TNNI3K: variants seen among roughly 807,000 people sequenced by gnomAD.
TNNI3K encodes the protein TNNI3 interacting kinase.
TNNI3K carries 140 observed loss-of-function variants against 114.5 expected under a neutral mutation model. The ratio of observed to expected loss-of-function variants is 1.22; its 90% CI spans 1.07 to 1.41. The LOEUF is 1.41. Among genes scored for constraint, TNNI3K ranks in the 40% most tolerant of loss-of-function variants. The pLI, the probability that TNNI3K is intolerant of heterozygous loss-of-function variation, is 0.00. For missense variants in TNNI3K, 1,125 were observed against 1,007.6 expected (o/e 1.12, Z -1.58); for synonymous variants, 347 against 347.5 (o/e 1.00, Z 0.02).
At chr1:74,501,474 GTGTTTGTT>G (rs71588835) in intron 23 of TNNI3K, among the ~76,000 whole-genome samples, 48 of 149,942 alleles carry the variant, frequency 3.2e-4, no homozygotes, top group Middle Eastern at 3.4e-3. Context: ...TTTTTGTTTT[GTGTTTGTT>G]TGTTTGTTTG....
intron 23 of TNNI3K, among the ~76,000 whole-genome samples, chr1:74,500,484 G>T (rs1409050141): frequency 2.7e-5 from 4 of 150,036 alleles, no homozygotes; most frequent in Non-Finnish European, 4.5e-5. Flanking sequence ...GGCGCCTGTA[G>T]TCCCAGCTAC....
intron 9 of TNNI3K, among the ~76,000 whole-genome samples, chr1:74,348,672 A>G (rs2100461154): frequency 6.6e-6 from 1 of 152,028 alleles, no homozygotes; most frequent in South Asian, 2.1e-4. Context: ...CTTTTATTTT[A>G]CTGAGCAGTG....
At chr1:74,452,181 C>G (rs1378371109) in intron 20 of TNNI3K, among the ~76,000 whole-genome samples, 1 of 152,120 alleles carries the variant, frequency 6.6e-6, no homozygotes, top group African/African-American at 2.4e-5. Context: ...CATCTGACCT[C>G]TAGGCATTTT....
chr1:74,260,005 G>A (rs1229431581), intron 4 of TNNI3K, among the ~76,000 whole-genome samples: 1 of 152,108 alleles, frequency 6.6e-6, no homozygotes, highest in Non-Finnish European at 1.5e-5. Context: ...AGGCCAAACA[G>A]TTCCACATGT....
chr1:74,398,262 A>G (rs146809384), intron 17 of TNNI3K, among the ~76,000 whole-genome samples: 4 of 152,170 alleles, frequency 2.6e-5, no homozygotes, highest in African/African-American at 9.7e-5. Context: ...AGGCCACCCA[A>G]ACTGAGGATG....
chr1:74,475,240 C>A (rs1445443298), intron 21 of TNNI3K: 1 of 606,258 alleles, frequency 1.6e-6, no homozygotes, highest in Non-Finnish European at 3.0e-6. Context: ...AGGGAGGCTC[C>A]CTCCTTCAAA....
intron 21 of TNNI3K, among the ~76,000 whole-genome samples, chr1:74,484,636 G>A (rs1163569003): frequency 3.3e-5 from 5 of 152,290 alleles, no homozygotes; most frequent in Non-Finnish European, 7.4e-5. Context: ...GTGTCATGGT[G>A]GAGAGGATCC....
chr1:74,395,650 T>C (rs1198068705), intron 17 of TNNI3K, among the ~76,000 whole-genome samples: 2 of 152,064 alleles, frequency 1.3e-5, no homozygotes, highest in Non-Finnish European at 2.9e-5. Flanking sequence ...TCCCAATCCG[T>C]GGTTATGTCC....
chr1:74,435,864 A>G (rs1264657905), intron 17 of TNNI3K, among the ~76,000 whole-genome samples: 3 of 152,036 alleles, frequency 2.0e-5, no homozygotes. Context: ...AATTCTTTAT[A>G]CATTCAACAT....
At chr1:74,439,397 G>T (rs1666275909) in intron 19 of TNNI3K, 93 bp from the exon 20 acceptor site, 1 of 1,530,788 alleles carries the variant, frequency 6.5e-7, no homozygotes, top group South Asian at 1.3e-5. Context: ...AGCATCGGGA[G>T]AACACAGTAA....
chr1:74,384,101 T>C (rs1663350456), intron 17 of TNNI3K, among the ~76,000 whole-genome samples: 1 of 152,142 alleles, frequency 6.6e-6, no homozygotes, highest in East Asian at 1.9e-4. Flanking sequence ...AGCAATGCAA[T>C]GTATTTTTCA....
chr1:74,291,945 T>C (rs1357022134), intron 5 of TNNI3K, among the ~76,000 whole-genome samples: 1 of 151,528 alleles, frequency 6.6e-6, no homozygotes, highest in Non-Finnish European at 1.5e-5. Context: ...TTCTGTCATA[T>C]ATCAAGTGTC....
At chr1:74,267,218 C>T (rs531164427) in intron 4 of TNNI3K, among the ~76,000 whole-genome samples, 1 of 151,896 alleles carries the variant, frequency 6.6e-6, no homozygotes, top group Non-Finnish European at 1.5e-5. Context: ...TTAGAGTATT[C>T]AAAATTTGCC....
In TNNI3K at chr1:74,395,731, G is replaced by T. The variant is rs186731200; in HGVS notation, c.1772+25339G>T. Among the ~76,000 whole-genome samples, 102 of 152,306 alleles carry T rather than the reference G, an allele frequency of 6.7e-4. No homozygotes were observed. The East Asian group carries it at 0.019, about 28-fold the overall frequency. On this transcript the variant is annotated intron_variant, in intron 17 of 24. Coordinates refer to ENST00000326637, the MANE Select transcript of TNNI3K (RefSeq NM_015978.3). Reference sequence around the variant, plus strand: ...CATGCAGGAAACCTCCAGTGCGGGGGCTGAGTACACAGGGAAAAGCTCAGA... The same window carrying T: ...CATGCAGGAAACCTCCAGTGCGGGGTCTGAGTACACAGGGAAAAGCTCAGA...
chr1:74,368,205 A>G (rs1399603812), intron 13 of TNNI3K, among the ~76,000 whole-genome samples: 1 of 151,840 alleles, frequency 6.6e-6, no homozygotes, highest in Non-Finnish European at 1.5e-5. Context: ...TTCTCACTGG[A>G]CTGTTTAGAT....
At position 74,408,371 on chromosome 1, in the gene TNNI3K, C is replaced by T. The variant is rs574158931; in HGVS notation, c.1773-27709C>T. On this transcript the variant is annotated intron_variant, in intron 17 of 24. Transcript: ENST00000326637. ...CCCTTTTGTGCACTCTTGCTTTCTT[C>T]TATAAAAACTGAAGTTAATATTGCT... 8.8e-4 allele frequency among the ~76,000 whole-genome samples: 134 copies of T among 152,156 alleles called. 1 individual carries two copies. The highest frequency in any genetic ancestry group is 1.5e-3 in the Non-Finnish European group (99 of 68,012).
chr1:74,344,643 C>A (rs1044473138), intron 9 of TNNI3K, among the ~76,000 whole-genome samples: 2 of 152,198 alleles, frequency 1.3e-5, no homozygotes, highest in East Asian at 1.9e-4. Context: ...ACAGCTGACA[C>A]CTCAGGCTAG....
chr1:74,481,887 C>A (rs374798726), intron 21 of TNNI3K, among the ~76,000 whole-genome samples: 24 of 152,222 alleles, frequency 1.6e-4, no homozygotes, highest in South Asian at 1.2e-3. Context: ...GAATAGTCAA[C>A]CCCAGGGAAG....
At chr1:74,361,031 C>T (rs1388608755) in intron 11 of TNNI3K, among the ~76,000 whole-genome samples, 1 of 152,082 alleles carries the variant, frequency 6.6e-6, no homozygotes, top group Non-Finnish European at 1.5e-5. Flanking sequence ...TGTTCTGCTA[C>T]ATGGCATCTG....
Sources: allele counts gnomAD v4.1 joint callset (sites outside exome capture counted in the v4.1 genomes callset), GRCh38; gene constraint gnomAD v4.1.1; transcripts MANE v1.5; gene names NCBI Gene and HGNC (gene_info 2026-07-23, HGNC 2026-07-21).